JMY: variants seen among roughly 807,000 people sequenced by gnomAD.
JMY encodes the protein junction mediating and regulatory protein, p53 cofactor.
JMY carries 46 observed loss-of-function variants against 103.3 expected under a neutral mutation model. The ratio of observed to expected loss-of-function variants is 0.45; its 90% CI spans 0.35 to 0.57. The LOEUF (loss-of-function observed/expected upper bound fraction) is 0.57, where lower values mean the gene tolerates loss of function less well. Among genes scored for constraint, JMY ranks in the 20% least tolerant of loss-of-function variants. The pLI is 0.00. For missense variants in JMY, 1,238 were observed against 1,255.2 expected (o/e 0.99, Z 0.21); for synonymous variants, 526 against 489.3 (o/e 1.07, Z -0.99).
rs192142508 is a variant in JMY, at chr5:79,266,828, G to A, written c.1033-11082G>A. On this transcript the variant is annotated intron_variant, in intron 1 of 10. Transcript: ENST00000396137. ...AAACCGCCTGTTAACAAAGTAGAAA[G>A]ACAGACACAGCTTTGATCAGCTTAC... 2.6e-5 allele frequency among the ~76,000 whole-genome samples: 4 copies of A among 152,192 alleles called. No homozygotes were observed. The East Asian group carries it at 7.7e-4, about 29-fold the overall frequency.
chr5:79,317,420 A>G (rs1747268948), intron 10 of JMY, among the ~76,000 whole-genome samples: 1 of 152,194 alleles, frequency 6.6e-6, no homozygotes, highest in South Asian at 2.1e-4. Context: ...TTATAGAGTA[A>G]TATGGCACAG....
intron 2 of JMY, among the ~76,000 whole-genome samples, chr5:79,287,779 A>T (rs1047391753): frequency 6.6e-6 from 1 of 152,220 alleles, no homozygotes; most frequent in African/African-American, 2.4e-5. Context: ...TGTTATCTTC[A>T]CATAATTGTC....
Position 79,236,504 on chromosome 5 carries a change from G to A in JMY, c.-147G>A, listed in dbSNP as rs1744497795. ...TCGGCGGTCGGGGCGCGGAGGGACA[G>A]GCGAACGAGCCGGGAGAGCCGGCCG... On this transcript the variant is annotated 5_prime_UTR_variant, in exon 1 of 11. Coordinates refer to ENST00000396137, the MANE Select transcript of JMY (RefSeq NM_152405.5). 4 of 536,344 alleles carry A rather than the reference G, an allele frequency of 7.5e-6. No individual in the cohort carries two copies. Among genetic ancestry groups the A allele is most frequent in the East Asian group, 7.2e-5 (2 of 27,758 alleles). The allele number at this position is 536,344 out of a possible 1,614,324, so 33.2% of individuals were successfully genotyped here.
chr5:79,241,494 A>G (rs993465023), intron 1 of JMY, among the ~76,000 whole-genome samples: 1 of 152,218 alleles, frequency 6.6e-6, no homozygotes, highest in African/African-American at 2.4e-5. Flanking sequence ...ACTTCAAAGG[A>G]AAATTTCTTA....
intron 1 of JMY, among the ~76,000 whole-genome samples, chr5:79,270,772 GTTTT>G (rs922866503): frequency 2.7e-5 from 4 of 147,520 alleles, no homozygotes; most frequent in African/African-American, 7.5e-5. Flanking sequence ...TTAGCTCAAG[GTTTT>G]TTTTTATCAA....
intron 1 of JMY, among the ~76,000 whole-genome samples, chr5:79,267,204 A>T (rs777684460): frequency 1.3e-5 from 2 of 152,218 alleles, no homozygotes; most frequent in African/African-American, 4.8e-5. Flanking sequence ...ATTAAAATTA[A>T]TTTTTTGTAC....
intron 1 of JMY, among the ~76,000 whole-genome samples, chr5:79,247,731 C>T (rs1311305483): frequency 6.6e-6 from 1 of 151,964 alleles, no homozygotes; most frequent in Non-Finnish European, 1.5e-5. Flanking sequence ...CTGCTCACTG[C>T]AACTTCCACC....
At chr5:79,308,118 CT>C (rs1746942844) in intron 7 of JMY, among the ~76,000 whole-genome samples, 1 of 152,122 alleles carries the variant, frequency 6.6e-6, no homozygotes, top group Non-Finnish European at 1.5e-5. Context: ...GCTTACACTC[CT>C]TTATCAGATA....
intron 1 of JMY, among the ~76,000 whole-genome samples, chr5:79,275,404 A>G (rs1754484325): frequency 6.6e-6 from 1 of 151,856 alleles, no homozygotes; most frequent in African/African-American, 2.4e-5. Flanking sequence ...CTCGTGATCC[A>G]CCCATCTTGG....
At chr5:79,252,096 G>T (rs1422807310) in intron 1 of JMY, among the ~76,000 whole-genome samples, 1 of 151,988 alleles carries the variant, frequency 6.6e-6, no homozygotes, top group East Asian at 1.9e-4. Context: ...TTTGATATAG[G>T]CACTTATAGC....
intron 1 of JMY, among the ~76,000 whole-genome samples, chr5:79,261,675 T>G (rs1458721059): frequency 2.0e-5 from 3 of 152,196 alleles, no homozygotes; most frequent in Non-Finnish European, 4.4e-5. Flanking sequence ...CCTTTAAATT[T>G]GGAGCCCTCA....
At position 79,246,652 on chromosome 5, in the gene JMY, G is replaced by A. The variant is rs140567831; in HGVS notation, c.1032+8970G>A. ...AATCCCAGCACTTTGGGAGGCCGAG[G>A]CAGGCGGATCATGAGGTCAAGAGTT... On this transcript the variant is annotated intron_variant, in intron 1 of 10. Transcript: ENST00000396137. 7.2e-5 allele frequency among the ~76,000 whole-genome samples: 11 copies of A among 152,280 alleles called. No individual in the cohort carries two copies. The East Asian group carries it at 1.9e-3, about 27-fold the overall frequency.
chr5:79,266,958 A>G (rs1745603139), intron 1 of JMY, among the ~76,000 whole-genome samples: 1 of 152,222 alleles, frequency 6.6e-6, no homozygotes, highest in Non-Finnish European at 1.5e-5. Context: ...AACACATACA[A>G]TGAAATATAA....
intron 1 of JMY, among the ~76,000 whole-genome samples, chr5:79,244,483 A>G (rs1744830649): frequency 6.6e-6 from 1 of 152,158 alleles, no homozygotes; most frequent in Admixed American, 6.6e-5. Flanking sequence ...GCTGTATTTG[A>G]ATTAGCCATC....
Position 79,322,793 on chromosome 5 carries a change from T to C in JMY, c.*1191T>C, listed in dbSNP as rs1046400000. The C allele has an allele frequency of 1.1e-4, 16 of 152,344 alleles. No homozygotes were observed. Among genetic ancestry groups the C allele is most frequent in the Non-Finnish European group, 1.8e-4 (12 of 68,026 alleles). 9.4% of individuals were successfully genotyped at this position (152,344 alleles called of 1,614,324 possible). A position where few individuals can be genotyped will look rare whatever the true frequency, so the allele number is the denominator to read the frequency against. ...AATACATGTAGATCATTGGACTCAG[T>C]GTGCAGTACCCTGTACATATAATTC... On this transcript the variant is annotated 3_prime_UTR_variant, in exon 11 of 11. Transcript: ENST00000396137.
At chr5:79,303,100 G>C (rs920296845) in intron 6 of JMY, among the ~76,000 whole-genome samples, 1 of 152,320 alleles carries the variant, frequency 6.6e-6, no homozygotes, top group Admixed American at 6.5e-5. Flanking sequence ...CTGAGTTTTA[G>C]ACTTGCATAT....
At chr5:79,239,153 ACT>A (rs1278461093) in intron 1 of JMY, among the ~76,000 whole-genome samples, 4 of 152,006 alleles carry the variant, frequency 2.6e-5, no homozygotes, top group Non-Finnish European at 4.4e-5. Context: ...ATACCATAGT[ACT>A]CTCTTACAAC....
intron 2 of JMY, among the ~76,000 whole-genome samples, chr5:79,283,609 C>G (rs1274453824): frequency 6.6e-6 from 1 of 152,182 alleles, no homozygotes; most frequent in African/African-American, 2.4e-5. Flanking sequence ...GATTCTAAGT[C>G]TACTACATTG....
At chr5:79,302,186 G>T (rs1187565720) in intron 6 of JMY, among the ~76,000 whole-genome samples, 1 of 151,646 alleles carries the variant, frequency 6.6e-6, no homozygotes. Flanking sequence ...GCACATTTTT[G>T]AGGAATATTA....
Sources: allele counts gnomAD v4.1 joint callset (sites outside exome capture counted in the v4.1 genomes callset), GRCh38; gene constraint gnomAD v4.1.1; transcripts MANE v1.5; gene names NCBI Gene and HGNC (gene_info 2026-07-23, HGNC 2026-07-21).